CAMK2A: variants seen among roughly 807,000 people sequenced by gnomAD.
CAMK2A encodes calcium/calmodulin dependent protein kinase II alpha, also known as calcium/calmodulin-dependent protein kinase type II subunit alpha.
In CAMK2A, 7 loss-of-function variants were observed where a neutral mutation model predicts 79.2. The ratio of observed to expected loss-of-function variants is 0.09; its 90% CI spans 0.05 to 0.17. The LOEUF (loss-of-function observed/expected upper bound fraction) is 0.17. Ranked by LOEUF, CAMK2A falls within the 10% of genes least tolerant of loss-of-function variation. The pLI is 1.00. For synonymous variants in CAMK2A, 242 were observed against 251.7 expected (o/e 0.96, Z 0.36); for missense variants, 214 against 646.4 (o/e 0.33, Z 7.25).
At chr5:150,266,119 G>T (rs1186302409) in intron 2 of CAMK2A, among the ~76,000 whole-genome samples, 1 of 152,016 alleles carries the variant, frequency 6.6e-6, no homozygotes, top group African/African-American at 2.4e-5. Flanking sequence ...AATCTGCAGG[G>T]GCCCACCCAG....
chr5:150,224,766 A>G (rs1451992779), intron 17 of CAMK2A, among the ~76,000 whole-genome samples: 1 of 152,122 alleles, frequency 6.6e-6, no homozygotes, highest in African/African-American at 2.4e-5. Context: ...GGCATACAAG[A>G]CCAACATATC....
chr5:150,241,202 G>A (rs1363649928), intron 13 of CAMK2A, among the ~76,000 whole-genome samples: 1 of 152,196 alleles, frequency 6.6e-6, no homozygotes, highest in East Asian at 1.9e-4. Context: ...TCCAATGCCC[G>A]TGTGCTCACA....
In CAMK2A at chr5:150,220,667, G is replaced by T. The variant is rs187985136; in HGVS notation, c.*2043C>A. The T allele has an allele frequency of 6.6e-6, 1 of 152,458 alleles. No individual in the cohort carries two copies. The highest frequency in any genetic ancestry group is 1.9e-4 in the East Asian group (1 of 5,318). 9.4% of individuals were successfully genotyped at this position (152,458 alleles called of 1,614,324 possible). On this transcript the variant is annotated 3_prime_UTR_variant, in exon 19 of 19. Coordinates refer to ENST00000671881, the MANE Select transcript of CAMK2A (RefSeq NM_015981.4). ...GCCCCTGGGATAATGGGATCACTGGGCCTTACTGGGAAGCCCTCTGGGCCT... is the reference window on the plus strand; with the variant it reads ...GCCCCTGGGATAATGGGATCACTGGTCCTTACTGGGAAGCCCTCTGGGCCT...
Position 150,250,464 on chromosome 5 carries a change from A to T in CAMK2A, c.817-155T>A, listed in dbSNP as rs555653406. 5.3e-5 allele frequency among the ~76,000 whole-genome samples: 8 copies of T among 152,326 alleles called. No individual in the cohort carries two copies. The South Asian group carries it at 1.7e-3, about 32-fold the overall frequency. On this transcript the variant is annotated intron_variant, in intron 10 of 18. Transcript: ENST00000671881. ...TAGGAGATGCTTCAGGGTGTTTAGC[A>T]TCCTGGCACCAGACATTCAATGCCA...
In CAMK2A at chr5:150,223,826, T is replaced by A. The variant is rs748786577; in HGVS notation, c.1238-609A>T. On this transcript the variant is annotated intron_variant, in intron 17 of 18. Transcript: ENST00000671881. This position sits in a 1 kb window ranked among gnomAD's most constrained non-coding sequence, Gnocchi z 4.1. ...TTTTATATGAAAACTCTTCATTTTTTAGTATTGGCATCTAATTCAAATTTA... is the reference window on the plus strand; with the variant it reads ...TTTTATATGAAAACTCTTCATTTTTAAGTATTGGCATCTAATTCAAATTTA... 7.9e-5 allele frequency among the ~76,000 whole-genome samples: 12 copies of A among 152,228 alleles called. No homozygotes were observed. Among genetic ancestry groups the A allele is most frequent in the Non-Finnish European group, 1.6e-4 (11 of 68,038 alleles).
intron 2 of CAMK2A, 73 bp from the exon 3 acceptor site, chr5:150,265,088 C>A: frequency 8.6e-7 from 1 of 1,166,816 alleles, no homozygotes; most frequent in Non-Finnish European, 1.3e-6. Context: ...CTTCTCAAAG[C>A]CTCGTATTAT....
chr5:150,267,422 C>T (rs1425364490), intron 2 of CAMK2A, among the ~76,000 whole-genome samples: 1 of 152,176 alleles, frequency 6.6e-6, no homozygotes, highest in Non-Finnish European at 1.5e-5. Context: ...GTGAGTTTAC[C>T]CAGGAGCAGA....
At chr5:150,230,317 C>CAAAAA (rs1216883745) in intron 16 of CAMK2A, among the ~76,000 whole-genome samples, 1 of 60,634 alleles carries the variant, frequency 1.6e-5, no homozygotes, top group Non-Finnish European at 2.9e-5. Context: ...GACTCCGTCT[C>CAAAAA]AAAAAAAAAA....
At chr5:150,234,987 A>G (rs1755001684) in intron 15 of CAMK2A, among the ~76,000 whole-genome samples, 1 of 152,168 alleles carries the variant, frequency 6.6e-6, no homozygotes, top group South Asian at 2.1e-4. Context: ...AGGTTGTGGT[A>G]CTGACTCAAG....
At chr5:150,228,936 G>A (rs1754723160) in intron 16 of CAMK2A, among the ~76,000 whole-genome samples, 1 of 152,200 alleles carries the variant, frequency 6.6e-6, no homozygotes, top group Non-Finnish European at 1.5e-5. Flanking sequence ...TGTATTTTCA[G>A]CTGTTATTCC....
At chr5:150,238,368 C>A (rs902756451) in intron 15 of CAMK2A, 4 of 220,910 alleles carry the variant, frequency 1.8e-5, no homozygotes, top group African/African-American at 9.4e-5. Flanking sequence ...AGGAGGATCG[C>A]TTGAACCTGG....
intron 15 of CAMK2A, 94 bp downstream of exon 15, chr5:150,238,606 G>A (rs1477038481): frequency 8.4e-7 from 1 of 1,194,624 alleles, no homozygotes; most frequent in South Asian, 1.3e-5. Context: ...AGCAAGAAAT[G>A]AGGTTGGCAC....
At chr5:150,276,258 G>A (rs532269006) in intron 1 of CAMK2A, among the ~76,000 whole-genome samples, 8 of 152,230 alleles carry the variant, frequency 5.3e-5, no homozygotes, top group South Asian at 2.1e-4. Flanking sequence ...GATTGGTGGC[G>A]GCTCCTCCAC....
At chr5:150,282,866 C>T (rs1311993914) in intron 1 of CAMK2A, among the ~76,000 whole-genome samples, 2 of 152,262 alleles carry the variant, frequency 1.3e-5, no homozygotes, top group East Asian at 3.8e-4. Flanking sequence ...GCTGCCAGAG[C>T]ACTAGCTCCT....
At chr5:150,277,269 T>G (rs1222389328) in intron 1 of CAMK2A, among the ~76,000 whole-genome samples, 1 of 152,248 alleles carries the variant, frequency 6.6e-6, no homozygotes, top group Non-Finnish European at 1.5e-5. Context: ...AATCAGCACC[T>G]CTGGGTGTAG....
At chr5:150,243,463 C>T (rs143411623) in intron 13 of CAMK2A, among the ~76,000 whole-genome samples, 15 of 152,276 alleles carry the variant, frequency 9.9e-5, no homozygotes, top group African/African-American at 2.6e-4. Context: ...AGAGGGATGG[C>T]GGGTTGGCTC....
intron 1 of CAMK2A, among the ~76,000 whole-genome samples, chr5:150,288,736 G>T (rs1200160309): frequency 1.3e-5 from 2 of 152,068 alleles, no homozygotes; most frequent in Non-Finnish European, 2.9e-5. Flanking sequence ...CCCAGCTGGG[G>T]ACATCCAGGA....
intron 15 of CAMK2A, among the ~76,000 whole-genome samples, chr5:150,236,146 G>T (rs911013342): frequency 2.0e-5 from 3 of 152,112 alleles, no homozygotes; most frequent in South Asian, 2.1e-4. Context: ...TAAAGCAGAG[G>T]ATAATGACGG....
chr5:150,270,062 C>T (rs1443906112), intron 2 of CAMK2A, among the ~76,000 whole-genome samples: 1 of 152,200 alleles, frequency 6.6e-6, no homozygotes, highest in East Asian at 1.9e-4. Context: ...CATGCATGTG[C>T]CCAATGCGCC....
Sources: allele counts gnomAD v4.1 joint callset (sites outside exome capture counted in the v4.1 genomes callset), GRCh38; gene constraint gnomAD v4.1.1; non-coding constraint Gnocchi (gnomAD v3.1); transcripts MANE v1.5; gene names NCBI Gene and HGNC (gene_info 2026-07-23, HGNC 2026-07-21).